Variants in TMEM38B observed in about 807,000 individuals in gnomAD.
TMEM38B encodes transmembrane protein 38B, also known as trimeric intracellular cation channel type B.
Under a neutral mutation model 28.7 loss-of-function variants are expected in TMEM38B, and 24 were observed. That is an observed-to-expected ratio of 0.84 (90% confidence interval 0.61 to 1.18). The LOEUF (loss-of-function observed/expected upper bound fraction) is 1.18, where lower values mean the gene tolerates loss of function less well. TMEM38B is among the 50% of genes most tolerant of loss of function. The probability of loss-of-function intolerance (pLI) is 0.00; values close to 1 mark genes in which losing one functional copy is unlikely to be tolerated. For missense variants in TMEM38B, 380 were observed against 350.9 expected (o/e 1.08, Z -0.66); for synonymous variants, 131 against 127.7 (o/e 1.03, Z -0.17).
At chr9:105,722,230 A>T (rs1396032967) in intron 3 of TMEM38B, among the ~76,000 whole-genome samples, 1 of 152,150 alleles carries the variant, frequency 6.6e-6, no homozygotes, top group East Asian at 1.9e-4. Flanking sequence ...TGCACCTGAA[A>T]CCGGTCGTAT....
chr9:105,769,730 G>A (rs1162447330), intron 5 of TMEM38B, among the ~76,000 whole-genome samples: 1 of 149,110 alleles, frequency 6.7e-6, no homozygotes, highest in Non-Finnish European at 1.5e-5. Context: ...TTAATAGTTT[G>A]TCTAGCTCTG....
At chr9:105,708,404 A>G (rs912820734) in intron 2 of TMEM38B, among the ~76,000 whole-genome samples, 2 of 152,154 alleles carry the variant, frequency 1.3e-5, no homozygotes, top group African/African-American at 2.4e-5. Context: ...GGGCTCTCAC[A>G]TTCACAGATT....
intron 5 of TMEM38B, 38 bp from the exon 6 acceptor site, chr9:105,773,827 T>G: frequency 6.4e-7 from 1 of 1,572,688 alleles, no homozygotes; most frequent in Non-Finnish European, 8.7e-7. Context: ...ACAGAAATCA[T>G]TTGTATTTAA....
intron 5 of TMEM38B, among the ~76,000 whole-genome samples, chr9:105,752,761 T>C (rs1837700979): frequency 6.6e-6 from 1 of 152,026 alleles, no homozygotes; most frequent in Admixed American, 6.6e-5. Context: ...GTGCCTCTTC[T>C]CCCCAAAATG....
At chr9:105,714,179 C>T (rs960103123) in intron 2 of TMEM38B, among the ~76,000 whole-genome samples, 3 of 151,902 alleles carry the variant, frequency 2.0e-5, no homozygotes, top group African/African-American at 7.3e-5. Context: ...AATGGGAGGA[C>T]CTGCTTGCAG....
chr9:105,705,196 T>C (rs568665106), intron 1 of TMEM38B, among the ~76,000 whole-genome samples: 2 of 152,382 alleles, frequency 1.3e-5, no homozygotes, highest in South Asian at 4.1e-4. Flanking sequence ...TTTCAACTTC[T>C]TTATTTTCCA....
chr9:105,752,492 T>C (rs1389759459), intron 5 of TMEM38B, among the ~76,000 whole-genome samples: 2 of 152,190 alleles, frequency 1.3e-5, no homozygotes, highest in Admixed American at 6.5e-5. Flanking sequence ...TCTTTGCTGT[T>C]TCATAGCCAT....
At chr9:105,738,171 G>T (rs541581196) in intron 4 of TMEM38B, among the ~76,000 whole-genome samples, 2 of 152,052 alleles carry the variant, frequency 1.3e-5, no homozygotes, top group African/African-American at 2.4e-5. Flanking sequence ...GAACACAGCC[G>T]TATGGACTCT....
At chr9:105,702,198 T>TGTTGCTAAGAATTTTGGGGAAA (rs1835482766) in intron 1 of TMEM38B, among the ~76,000 whole-genome samples, 1 of 152,202 alleles carries the variant, frequency 6.6e-6, no homozygotes, top group Non-Finnish European at 1.5e-5. Context: ...TTGAGGCATA[T>TGTTGCTAAGAATTTTGGGGAAA]AGGATATGTT....
intron 5 of TMEM38B, among the ~76,000 whole-genome samples, chr9:105,761,814 G>T (rs369064050): frequency 1.3e-5 from 2 of 152,120 alleles, no homozygotes; most frequent in East Asian, 3.8e-4. Flanking sequence ...TTTAATCTAG[G>T]TGATTCCAGT....
At chr9:105,734,507 C>G (rs1836894555) in intron 4 of TMEM38B, among the ~76,000 whole-genome samples, 2 of 151,926 alleles carry the variant, frequency 1.3e-5, no homozygotes, top group African/African-American at 4.8e-5. Context: ...AATGCTTTCT[C>G]TGGTTGATAT....
chr9:105,750,534 A>G (rs961533209), intron 5 of TMEM38B, among the ~76,000 whole-genome samples: 16 of 152,164 alleles, frequency 1.1e-4, no homozygotes, highest in African/African-American at 3.9e-4. Context: ...GAATCACTTG[A>G]ACCAGGGAGG....
chr9:105,715,862 A>G (rs1836081216), intron 2 of TMEM38B, among the ~76,000 whole-genome samples: 1 of 151,402 alleles, frequency 6.6e-6, no homozygotes, highest in Non-Finnish European at 1.5e-5. Flanking sequence ...TTGTTTGCAC[A>G]TTTTCCTGAG....
intron 4 of TMEM38B, among the ~76,000 whole-genome samples, chr9:105,734,865 CTTTT>C (rs35839234): frequency 7.4e-6 from 1 of 135,098 alleles, no homozygotes; most frequent in Non-Finnish European, 1.6e-5. Context: ...GTAGTTGGAT[CTTTT>C]TTTTTTTTTT....
chr9:105,759,797 A>G lies in TMEM38B; in HGVS notation c.660+11607A>G. The G allele has an allele frequency of 1.9e-6, 3 of 1,608,806 alleles. No homozygotes were observed. In the South Asian group the frequency reaches 3.3e-5, roughly 18 times the overall value. On this transcript the variant is annotated intron_variant, in intron 5 of 5. Coordinates refer to ENST00000374692, the MANE Select transcript of TMEM38B (RefSeq NM_018112.3). ...ACCACTACTTTGACTGCTCAAGACC[A>G]AGAGGAGTTGTGTAATGGGAAATGC...
At chr9:105,738,028 A>T (rs1286268634) in intron 4 of TMEM38B, among the ~76,000 whole-genome samples, 1 of 152,106 alleles carries the variant, frequency 6.6e-6, no homozygotes, top group East Asian at 1.9e-4. Context: ...AACCTCAGGG[A>T]TGGAAGGGTA....
chr9:105,738,826 C>T (rs1160265414), intron 4 of TMEM38B, among the ~76,000 whole-genome samples: 1 of 150,072 alleles, frequency 6.7e-6, no homozygotes, highest in East Asian at 2.0e-4. Flanking sequence ...CAAGCAATCC[C>T]CCCGTCTCAG....
intron 4 of TMEM38B, among the ~76,000 whole-genome samples, chr9:105,736,304 T>C (rs183448640): frequency 6.6e-6 from 1 of 152,302 alleles, no homozygotes; most frequent in East Asian, 1.9e-4. Flanking sequence ...TTTCATTCTT[T>C]TTCCTTTTTC....
chr9:105,747,556 T>C (rs1290117699), intron 4 of TMEM38B, among the ~76,000 whole-genome samples: 1 of 152,116 alleles, frequency 6.6e-6, no homozygotes, highest in East Asian at 1.9e-4. Flanking sequence ...TTTTGAAGGG[T>C]TTTTTGTGTC....
Sources: allele counts gnomAD v4.1 joint callset (sites outside exome capture counted in the v4.1 genomes callset), GRCh38; gene constraint gnomAD v4.1.1; transcripts MANE v1.5; gene names NCBI Gene and HGNC (gene_info 2026-07-23, HGNC 2026-07-21).